RIMS1: variants seen among roughly 807,000 people sequenced by gnomAD.
RIMS1 encodes regulating synaptic membrane exocytosis protein 1.
RIMS1 carries 83 observed loss-of-function variants against 214.1 expected under a neutral mutation model. The ratio of observed to expected loss-of-function variants is 0.39; its 90% CI spans 0.32 to 0.47. RIMS1 has a LOEUF of 0.47. Ranked by LOEUF, RIMS1 falls within the 20% of genes least tolerant of loss-of-function variation. RIMS1 has a pLI of 0.99. For missense variants in RIMS1, 2,050 were observed against 2,161.8 expected (o/e 0.95, Z 1.03); for synonymous variants, 793 against 786.8 (o/e 1.01, Z -0.13).
chr6:72,325,542 G>A (rs996364811), intron 28 of RIMS1, among the ~76,000 whole-genome samples: 5 of 151,388 alleles, frequency 3.3e-5, no homozygotes, highest in Admixed American at 6.6e-5. Flanking sequence ...TTATTTTTAT[G>A]TACTAGCAAC....
At chr6:72,191,175 C>G (rs1016280138) in intron 6 of RIMS1, among the ~76,000 whole-genome samples, 3 of 152,176 alleles carry the variant, frequency 2.0e-5, no homozygotes, top group Admixed American at 6.5e-5. Context: ...CCTTTTGGGT[C>G]ACCTGATAGA....
intron 4 of RIMS1, among the ~76,000 whole-genome samples, chr6:72,153,404 A>G (rs565898283): frequency 1.3e-5 from 2 of 152,184 alleles, no homozygotes; most frequent in Non-Finnish European, 2.9e-5. Flanking sequence ...TTGGTCAAAT[A>G]TTTTAAACCT....
At chr6:72,244,194 C>CT (rs150584860) in intron 10 of RIMS1, among the ~76,000 whole-genome samples, 3 of 151,574 alleles carry the variant, frequency 2.0e-5, no homozygotes, top group Non-Finnish European at 4.4e-5. Flanking sequence ...GAGGTATTGA[C>CT]TTTTTTTGTG....
At chr6:72,114,551 T>G (rs1379821201) in intron 4 of RIMS1, among the ~76,000 whole-genome samples, 1 of 152,006 alleles carries the variant, frequency 6.6e-6, no homozygotes, top group Non-Finnish European at 1.5e-5. Context: ...TTTTTTTTGT[T>G]AATTCCTTCA....
chr6:72,211,604 T>C (rs1200282322), intron 6 of RIMS1, among the ~76,000 whole-genome samples: 1 of 152,132 alleles, frequency 6.6e-6, no homozygotes, highest in Non-Finnish European at 1.5e-5. Context: ...GCTGGTGGTG[T>C]ATGGAACTTA....
At chr6:72,308,232 A>C (rs1002042331) in intron 27 of RIMS1, among the ~76,000 whole-genome samples, 1 of 152,086 alleles carries the variant, frequency 6.6e-6, no homozygotes, top group Non-Finnish European at 1.5e-5. Flanking sequence ...ATATTTTCTA[A>C]GGAAACACCA....
At chr6:72,003,863 T>A (rs996700197) in intron 2 of RIMS1, among the ~76,000 whole-genome samples, 4 of 151,420 alleles carry the variant, frequency 2.6e-5, no homozygotes, top group African/African-American at 7.3e-5. Context: ...TCGATTTTCC[T>A]TTCTTTTTTT....
intron 2 of RIMS1, among the ~76,000 whole-genome samples, chr6:72,048,980 A>G (rs2152123043): frequency 6.6e-6 from 1 of 152,258 alleles, no homozygotes; most frequent in African/African-American, 2.4e-5. Flanking sequence ...CAAAGCTGGG[A>G]GGCTGGACAT....
At chr6:72,030,208 G>T (rs577588760) in intron 2 of RIMS1, among the ~76,000 whole-genome samples, 85 of 152,258 alleles carry the variant, frequency 5.6e-4, no homozygotes, top group South Asian at 1.7e-3. Flanking sequence ...GGATGTGGTG[G>T]TGCCCAAGAT....
intron 29 of RIMS1, among the ~76,000 whole-genome samples, chr6:72,351,990 T>C (rs1018981501): frequency 6.6e-6 from 1 of 152,140 alleles, no homozygotes; most frequent in African/African-American, 2.4e-5. Context: ...CATGCCTGAG[T>C]TCACATAGTA....
At chr6:72,261,122 G>T (rs557697529) in intron 19 of RIMS1, 1 of 1,174,228 alleles carries the variant, frequency 8.5e-7, no homozygotes, top group Non-Finnish European at 1.1e-6. Context: ...GTCACAAGAG[G>T]TCTAATCTGT....
At chr6:72,255,159 A>AGAG (rs2075257273) in intron 16 of RIMS1, among the ~76,000 whole-genome samples, 1 of 152,206 alleles carries the variant, frequency 6.6e-6, no homozygotes. Flanking sequence ...TTTTAAATGA[A>AGAG]GAGGAAAAAT....
At chr6:72,305,341 CA>C (rs1274844803) in intron 26 of RIMS1, among the ~76,000 whole-genome samples, 2 of 152,006 alleles carry the variant, frequency 1.3e-5, no homozygotes, top group Non-Finnish European at 2.9e-5. Context: ...TAATCAATGT[CA>C]ACATATTTTT....
chr6:72,349,811 A>G (rs1373019824), intron 29 of RIMS1, among the ~76,000 whole-genome samples: 1 of 152,090 alleles, frequency 6.6e-6, no homozygotes, highest in Non-Finnish European at 1.5e-5. Context: ...TCAACCTATT[A>G]TTCAATTGTT....
intron 29 of RIMS1, among the ~76,000 whole-genome samples, chr6:72,364,437 G>A (rs1180291497): frequency 6.6e-6 from 1 of 152,210 alleles, no homozygotes; most frequent in Non-Finnish European, 1.5e-5. Flanking sequence ...CCTGTGAAAT[G>A]TGAATCGTTT....
intron 4 of RIMS1, among the ~76,000 whole-genome samples, chr6:72,167,686 A>G (rs543874690): frequency 6.6e-6 from 1 of 152,082 alleles, no homozygotes; most frequent in South Asian, 2.1e-4. Flanking sequence ...GTTTTTGAGA[A>G]ATTTCTCTAT....
chr6:72,153,134 T>C (rs191608408), intron 4 of RIMS1, among the ~76,000 whole-genome samples: 10 of 134,044 alleles, frequency 7.5e-5, no homozygotes, highest in African/African-American at 2.1e-4. Context: ...ATATATTCCC[T>C]ATGTATATAT....
chr6:71,953,876 A>T (rs1421871997), intron 1 of RIMS1, among the ~76,000 whole-genome samples: 4 of 152,148 alleles, frequency 2.6e-5, no homozygotes, highest in Non-Finnish European at 5.9e-5. Context: ...GACTATTTTC[A>T]TGCTTCTCCC....
intron 6 of RIMS1, among the ~76,000 whole-genome samples, chr6:72,187,750 C>A (rs2049369292): frequency 6.6e-6 from 1 of 152,082 alleles, no homozygotes; most frequent in South Asian, 2.1e-4. Context: ...CCTCGGCCTC[C>A]CAAAGTGCTG....
Sources: gnomAD v4.1 joint callset for allele counts (sites outside exome capture counted in the v4.1 genomes callset) on GRCh38, gnomAD v4.1.1 for gene constraint, MANE v1.5 for transcripts, NCBI Gene and HGNC (gene_info 2026-07-23, HGNC 2026-07-21) for gene names.